Variants in UBR3 observed in about 807,000 individuals in gnomAD.
UBR3 encodes the protein E3 ubiquitin-protein ligase UBR3.
UBR3 carries 85 observed loss-of-function variants against 243.2 expected under a neutral mutation model. The ratio of observed to expected loss-of-function variants is 0.35; its 90% confidence interval spans 0.29 to 0.42. UBR3 has a LOEUF of 0.42. Ranked by LOEUF, UBR3 falls within the 10% of genes least tolerant of loss-of-function variation. UBR3 has a pLI of 1.00. For synonymous variants in UBR3, 748 were observed against 799.8 expected (o/e 0.94, Z 1.09); for missense variants, 1,686 against 2,300.8 (o/e 0.73, Z 5.47).
intron 31 of UBR3, among the ~76,000 whole-genome samples, chr2:170,032,108 G>GA (rs939132206): frequency 1.3e-5 from 2 of 151,150 alleles, no homozygotes; most frequent in Middle Eastern, 3.2e-3. Context: ...GATAAATTTG[G>GA]AAAAAAAAGT....
At chr2:169,878,844 G>A (rs1236685058) in intron 5 of UBR3, among the ~76,000 whole-genome samples, 2 of 152,146 alleles carry the variant, frequency 1.3e-5, no homozygotes, top group Non-Finnish European at 2.9e-5. Flanking sequence ...CAGTTTAAAA[G>A]TGGGTAGAAA....
chr2:169,951,568 A>G (rs1448188868), intron 23 of UBR3, among the ~76,000 whole-genome samples: 2 of 152,190 alleles, frequency 1.3e-5, no homozygotes, highest in East Asian at 3.8e-4. Context: ...TAATGGGAGT[A>G]GTAGGACATA....
Position 169,928,784 on chromosome 2 carries a change from T to A in UBR3, c.2482T>A (p.Ser828Thr). 1 of 1,514,150 alleles carries A rather than the reference T, an allele frequency of 6.6e-7. No individual in the cohort carries two copies. The highest frequency in any genetic ancestry group is 8.9e-7 in the Non-Finnish European group (1 of 1,120,358). The allele number at this position is 1,514,150 out of a possible 1,614,324, so 93.8% of individuals were successfully genotyped here. The change falls in exon 18 of 39, where the codon TCA (serine) becomes ACA (threonine). Residue 828 changes from serine (S) to threonine (T), a missense_variant. Ser to Thr is a moderately conservative substitution (Grantham distance 58). Around this residue, in one of 8 missense-constraint regions of UBR3, gnomAD observed 346 missense variants for 585.8 expected, o/e 0.59. Transcript: ENST00000272793. ...GIIPGSYSFE[S>T]VLSAVADFKA... The stretch of plus-strand genomic sequence containing the variant: ...TATTCCAGGCAGTTACAGCTTTGAA[T>A]CAGTTTTATCAGCTGTAGCTGATTT...
At chr2:169,830,550 G>A (rs1184155034) in intron 1 of UBR3, among the ~76,000 whole-genome samples, 1 of 152,142 alleles carries the variant, frequency 6.6e-6, no homozygotes, top group Non-Finnish European at 1.5e-5. Flanking sequence ...AGCTAGGCAT[G>A]CTGGCTCCAG....
chr2:169,856,965 G>A (rs2082895815), intron 1 of UBR3, among the ~76,000 whole-genome samples: 1 of 151,002 alleles, frequency 6.6e-6, no homozygotes, highest in African/African-American at 2.4e-5. Context: ...TTTCTTTTTT[G>A]GCCTGTGTGT....
chr2:169,835,394 C>A (rs758041795), intron 1 of UBR3, among the ~76,000 whole-genome samples: 1 of 152,092 alleles, frequency 6.6e-6, no homozygotes, highest in Non-Finnish European at 1.5e-5. Context: ...AAACAAACAA[C>A]TCCCCCAAAA....
intron 1 of UBR3, among the ~76,000 whole-genome samples, chr2:169,864,787 G>T (rs927198409): frequency 6.6e-6 from 1 of 151,666 alleles, no homozygotes; most frequent in Admixed American, 6.6e-5. Context: ...GGTGCCTGTA[G>T]TCCCAGCTAC....
intron 36 of UBR3, among the ~76,000 whole-genome samples, chr2:170,079,366 A>C (rs1406452596): frequency 6.6e-6 from 1 of 152,202 alleles, no homozygotes; most frequent in Non-Finnish European, 1.5e-5. Flanking sequence ...ATTAAAGTAG[A>C]AAAAATGAGT....
chr2:169,943,474 G>A (rs1002323795), intron 20 of UBR3, among the ~76,000 whole-genome samples: 5 of 152,078 alleles, frequency 3.3e-5, no homozygotes, highest in African/African-American at 1.2e-4. Context: ...GGTGGTGGGC[G>A]CCTGTAATCC....
intron 24 of UBR3, among the ~76,000 whole-genome samples, chr2:169,960,236 CAAAAA>C (rs11461641): frequency 3.1e-5 from 2 of 64,004 alleles, no homozygotes. Context: ...GTGACAAGAG[CAAAAA>C]AAAAAAAAAA....
chr2:169,911,795 C>T (rs1325464536), intron 10 of UBR3, among the ~76,000 whole-genome samples: 1 of 152,168 alleles, frequency 6.6e-6, no homozygotes, highest in South Asian at 2.1e-4. Context: ...CTGTGAGTTA[C>T]CTGCTACTTT....
intron 31 of UBR3, among the ~76,000 whole-genome samples, chr2:170,035,801 ATCTC>A (rs1341935549): frequency 6.7e-6 from 1 of 150,122 alleles, no homozygotes; most frequent in Non-Finnish European, 1.5e-5. Context: ...AACATGGACT[ATCTC>A]TCTCCATTTA....
At chr2:169,984,126 GA>G (rs2088886960) in intron 24 of UBR3, among the ~76,000 whole-genome samples, 1 of 151,860 alleles carries the variant, frequency 6.6e-6, no homozygotes, top group Non-Finnish European at 1.5e-5. Context: ...ACATCATTTA[GA>G]TTTTTTTTTT....
chr2:169,835,997 CTCTCTCTCTCTCTCTCTCT>C lies in UBR3; in HGVS notation c.545+7946_545+7964del, dbSNP rs2082076440. Among the ~76,000 whole-genome samples, 344 of 40,466 alleles carry C rather than the reference CTCTCTCTCTCTCTCTCTCT, an allele frequency of 8.5e-3. 24 individuals are homozygous for C. The highest frequency in any genetic ancestry group is 0.027 in the Middle Eastern group (2 of 74). The allele number at this position is 40,466 out of a possible 152,430, so 26.5% of individuals were successfully genotyped here. A position where few individuals can be genotyped will look rare whatever the true frequency, so the allele number is the denominator to read the frequency against. On this transcript the variant is annotated intron_variant, in intron 1 of 38. Transcript: ENST00000272793. Reference sequence around the variant, plus strand: ...CCTGAAATTCCTGTGTGCACTGTCTCTCTCTCTCTCTCTCTCTCTCTCTCTCTCTCTCTCTCTCTCTCTC... The same window carrying C: ...CCTGAAATTCCTGTGTGCACTGTCTCCTCTCTCTCTCTCTCTCTCTCTCTC...
intron 23 of UBR3, among the ~76,000 whole-genome samples, chr2:169,950,434 C>T (rs887921428): frequency 2.0e-5 from 3 of 151,724 alleles, no homozygotes; most frequent in African/African-American, 7.3e-5. Context: ...AATAAAAATC[C>T]AACTGCTTTA....
intron 18 of UBR3, among the ~76,000 whole-genome samples, chr2:169,931,830 A>G (rs2086144653): frequency 1.3e-5 from 2 of 152,258 alleles, no homozygotes; most frequent in East Asian, 3.9e-4. Flanking sequence ...GCAAGTTACA[A>G]TTTTCTAATA....
intron 13 of UBR3, among the ~76,000 whole-genome samples, chr2:169,924,950 C>G (rs1408547725): frequency 6.6e-6 from 1 of 152,122 alleles, no homozygotes; most frequent in Non-Finnish European, 1.5e-5. Context: ...AGAAGAATTG[C>G]TTGAACCTGG....
At chr2:170,017,522 GACACACACAC>G (rs66540837) in intron 30 of UBR3, among the ~76,000 whole-genome samples, 4 of 145,254 alleles carry the variant, frequency 2.8e-5, no homozygotes, top group Non-Finnish European at 6.0e-5. Flanking sequence ...TATAATTACG[GACACACACAC>G]ACACACACAC....
chr2:170,026,630 T>C (rs2090537252), intron 30 of UBR3, among the ~76,000 whole-genome samples: 1 of 152,154 alleles, frequency 6.6e-6, no homozygotes, highest in Non-Finnish European at 1.5e-5. Context: ...AGCACGCTTA[T>C]AAATGAATTT....
Sources: gnomAD v4.1 joint callset for allele counts (sites outside exome capture counted in the v4.1 genomes callset) on GRCh38, gnomAD v4.1.1 for gene constraint, gnomAD v4.1.1 regional missense constraint, MANE v1.5 for transcripts, NCBI Gene and HGNC (gene_info 2026-07-23, HGNC 2026-07-21) for gene names.